FAM228A: variants seen among roughly 807,000 people sequenced by gnomAD.
FAM228A encodes protein FAM228A.
A neutral mutation model predicts 18.6 loss-of-function variants in FAM228A; 13 were observed. That is an observed-to-expected ratio of 0.70 (90% confidence interval 0.45 to 1.11). The LOEUF is 1.11. Among genes scored for constraint, FAM228A ranks in the 50% least tolerant of loss-of-function variants. The pLI is 0.00. For missense variants in FAM228A, 240 were observed against 242.2 expected (o/e 0.99, Z 0.06); for synonymous variants, 77 against 86.6 (o/e 0.89, Z 0.61).
At chr2:24,177,963 C>T (rs1667730100) in intron 3 of FAM228A, 93 bp downstream of exon 3, 6 of 762,360 alleles carry the variant, frequency 7.9e-6, no homozygotes, top group Non-Finnish European at 8.6e-6. Flanking sequence ...CACCGTGATC[C>T]AAGAGACTCA....
intron 3 of FAM228A, among the ~76,000 whole-genome samples, chr2:24,180,082 A>G (rs764616799): frequency 1.3e-5 from 2 of 152,002 alleles, no homozygotes; most frequent in Non-Finnish European, 2.9e-5. Flanking sequence ...GGGTCTCTCT[A>G]TTTGCAGTAT....
At chr2:24,188,878 ACT>A (rs373557553) in intron 5 of FAM228A, among the ~76,000 whole-genome samples, 29 of 151,996 alleles carry the variant, frequency 1.9e-4, no homozygotes, top group African/African-American at 5.3e-4. Context: ...TCTGTTATAC[ACT>A]CTCAATATTT....
chr2:24,191,013 T>C lies in FAM228A; in HGVS notation c.*382T>C. The C allele has an allele frequency of 2.0e-6, 2 of 1,008,694 alleles. No homozygotes were observed. Among genetic ancestry groups the C allele is most frequent in the South Asian group, 9.3e-5 (2 of 21,486 alleles). The allele number at this position is 1,008,694 out of a possible 1,614,324, so 62.5% of individuals were successfully genotyped here. Reference sequence around the variant, plus strand: ...TTCTCCTTAGTCCACACACAACTGGTGGGAAGTTTTTGAAATGAAATTTAT... The same window carrying C: ...TTCTCCTTAGTCCACACACAACTGGCGGGAAGTTTTTGAAATGAAATTTAT... On this transcript the variant is annotated 3_prime_UTR_variant, in exon 6 of 6. Coordinates refer to ENST00000295150, the MANE Select transcript of FAM228A (RefSeq NM_001040710.3).
At chr2:24,175,295 G>A in intron 1 of FAM228A, 121 bp downstream of exon 1, 1 of 602,956 alleles carries the variant, frequency 1.7e-6, no homozygotes, top group Non-Finnish European at 2.9e-6. Flanking sequence ...CACGGGAGTG[G>A]GTAGCCGGGC....
intron 3 of FAM228A, among the ~76,000 whole-genome samples, chr2:24,183,055 C>T (rs180995041): frequency 2.4e-4 from 36 of 152,124 alleles, no homozygotes; most frequent in South Asian, 8.3e-4. Flanking sequence ...GTTTGTTACA[C>T]GGGTATATTG....
At chr2:24,182,212 C>T (rs188716425) in intron 3 of FAM228A, among the ~76,000 whole-genome samples, 2 of 152,128 alleles carry the variant, frequency 1.3e-5, no homozygotes, top group African/African-American at 4.8e-5. Context: ...GTTTTTCGCT[C>T]CCATGCAGCA....
At chr2:24,176,339 A>G in intron 2 of FAM228A, 1 of 412,670 alleles carries the variant, frequency 2.4e-6, no homozygotes, top group Non-Finnish European at 3.1e-6. Flanking sequence ...TTCAGTTGCC[A>G]TCTTCATTTT....
chr2:24,178,345 G>T (rs1573801319), intron 3 of FAM228A, among the ~76,000 whole-genome samples: 1 of 152,156 alleles, frequency 6.6e-6, no homozygotes, highest in African/African-American at 2.4e-5. Flanking sequence ...CAAGAGTATT[G>T]CTTGAAACCA....
At chr2:24,182,150 C>A (rs1667830644) in intron 3 of FAM228A, among the ~76,000 whole-genome samples, 1 of 152,186 alleles carries the variant, frequency 6.6e-6, no homozygotes, top group East Asian at 1.9e-4. Context: ...AATGAGTCTT[C>A]AGATTTTTAA....
chr2:24,190,122 G>C (rs1668045064), intron 5 of FAM228A, among the ~76,000 whole-genome samples: 2 of 152,190 alleles, frequency 1.3e-5, no homozygotes, highest in Admixed American at 1.3e-4. Context: ...GCACTCAGAG[G>C]CTGCCTGGAA....
chr2:24,177,403 G>A (rs930965812), intron 2 of FAM228A, among the ~76,000 whole-genome samples: 2 of 152,180 alleles, frequency 1.3e-5, no homozygotes, highest in Non-Finnish European at 2.9e-5. Flanking sequence ...TTATACCACT[G>A]CCCTGCAGCC....
intron 5 of FAM228A, among the ~76,000 whole-genome samples, chr2:24,186,913 A>G (rs1667962436): frequency 6.6e-6 from 1 of 152,226 alleles, no homozygotes; most frequent in African/African-American, 2.4e-5. Flanking sequence ...TGGGGGATTT[A>G]CAGATGTGAG....
intron 2 of FAM228A, chr2:24,175,975 T>G: frequency 9.8e-7 from 1 of 1,021,832 alleles, no homozygotes; most frequent in Non-Finnish European, 1.2e-6. Context: ...TTTCCCCTTT[T>G]GCCCTAGTGG....
At chr2:24,175,383 G>C in intron 1 of FAM228A, 84 bp from the exon 2 acceptor site, 1 of 980,166 alleles carries the variant, frequency 1.0e-6, no homozygotes, top group South Asian at 1.3e-5. Context: ...GGCCGAGCGG[G>C]ATTTGAACAC....
At chr2:24,178,583 A>G (rs976941337) in intron 3 of FAM228A, among the ~76,000 whole-genome samples, 3 of 152,186 alleles carry the variant, frequency 2.0e-5, no homozygotes, top group Non-Finnish European at 4.4e-5. Context: ...TTTAAACAAA[A>G]AAGAATAAAA....
At position 24,190,487 on chromosome 2, in the gene FAM228A, G is replaced by A. The variant is rs761296926; in HGVS notation, c.477G>A (p.Ala159=). 6.2e-6 allele frequency: 10 copies of A among 1,614,186 alleles called. No individual in the cohort carries two copies. The highest frequency in any genetic ancestry group is 1.1e-5 in the South Asian group (1 of 91,080). ...AGACGGCCGACCTAAGTCAGGCTGC[G>A]TTTGAAAGGCAGTTCCTTTCCTCAA... The part of the protein sequence containing the change: ...EKKTADLSQA[A]FERQFLSSKL... The change falls in exon 6 of 6, where the codon GCG becomes GCA. Residue 159 remains alanine (A), a synonymous_variant. Transcript: ENST00000295150.
rs1460230618 is a variant in FAM228A at position 24,183,432 on chromosome 2, AC to A, written c.250+61del. The A allele has an allele frequency of 7.6e-5, 122 of 1,609,532 alleles. 2 individuals are homozygous for A. The Middle Eastern group carries it at 1.6e-3, about 22-fold the overall frequency. ...ACTGCTAATTGTCCAGTGATTTCTC[AC>A]TCCTTCAAGAGCAACTGGAGTTCTT... On this transcript the variant is annotated intron_variant, in intron 4 of 5. Transcript: ENST00000295150.
chr2:24,179,222 G>A (rs903431206), intron 3 of FAM228A: 12 of 1,011,230 alleles, frequency 1.2e-5, no homozygotes, highest in Non-Finnish European at 1.3e-5. Flanking sequence ...GAGAATTATG[G>A]AAAAAGTAAT....
intron 2 of FAM228A, chr2:24,175,967 T>C (rs1017502140): frequency 9.0e-5 from 92 of 1,022,522 alleles, no homozygotes; most frequent in Non-Finnish European, 1.0e-4. Flanking sequence ...CCTTTCTTTT[T>C]CCCCTTTTGC....
Sources: gnomAD v4.1 joint callset for allele counts (sites outside exome capture counted in the v4.1 genomes callset) on GRCh38, gnomAD v4.1.1 for gene constraint, MANE v1.5 for transcripts, NCBI Gene and HGNC (gene_info 2026-07-23, HGNC 2026-07-21) for gene names.